The following PPP1R9A variants were observed in gnomAD, a reference collection of about 807,000 sequenced individuals.
PPP1R9A encodes the protein neurabin-1.
A neutral mutation model predicts 141.9 loss-of-function variants in PPP1R9A; 59 were observed. The observed-to-expected ratio is 0.42, with a 90% CI of 0.34 to 0.52. PPP1R9A has a LOEUF of 0.52. Ranked by LOEUF, PPP1R9A falls within the 20% of genes least tolerant of loss-of-function variation. The pLI is 0.10. For synonymous variants in PPP1R9A, 500 were observed against 569.7 expected (o/e 0.88, Z 1.74); for missense variants, 1,444 against 1,611.9 (o/e 0.90, Z 1.78).
intron 2 of PPP1R9A, among the ~76,000 whole-genome samples, chr7:94,933,107 G>A (rs770508971): frequency 9.2e-5 from 14 of 151,740 alleles, no homozygotes; most frequent in East Asian, 1.9e-4. Flanking sequence ...CATATTTAGC[G>A]TCCTATCATC....
intron 9 of PPP1R9A, among the ~76,000 whole-genome samples, chr7:95,248,273 C>A (rs141662447): frequency 1.3e-3 from 190 of 150,222 alleles, no homozygotes; most frequent in Non-Finnish European, 2.2e-3. Context: ...TACCCTCCCC[C>A]GCCCCCAATC....
chr7:95,148,437 A>G (rs1828033760), intron 4 of PPP1R9A, among the ~76,000 whole-genome samples: 2 of 152,192 alleles, frequency 1.3e-5, no homozygotes, highest in African/African-American at 4.8e-5. Context: ...TGTGCCCACA[A>G]GTTTGACAAC....
chr7:95,181,778 G>T (rs184849691), intron 5 of PPP1R9A, among the ~76,000 whole-genome samples: 1 of 111,712 alleles, frequency 9.0e-6, no homozygotes, highest in East Asian at 2.5e-4. Flanking sequence ...TATATATTCC[G>T]TCACATATAT....
intron 2 of PPP1R9A, among the ~76,000 whole-genome samples, chr7:95,103,394 T>A (rs1213351435): frequency 6.9e-6 from 1 of 145,320 alleles, no homozygotes; most frequent in Non-Finnish European, 1.5e-5. Context: ...ACAGTCTCGC[T>A]CTGTTGCCCA....
chr7:94,931,079 G>A (rs980970207), intron 2 of PPP1R9A, among the ~76,000 whole-genome samples: 4 of 152,144 alleles, frequency 2.6e-5, no homozygotes, highest in African/African-American at 9.7e-5. Context: ...TTTTCCAGCT[G>A]TTGTTTTGCC....
At chr7:95,124,863 T>G (rs1404786247) in intron 4 of PPP1R9A, among the ~76,000 whole-genome samples, 2 of 152,070 alleles carry the variant, frequency 1.3e-5, no homozygotes, top group African/African-American at 2.4e-5. Context: ...AAGAAGCCTT[T>G]TCATTGTGAT....
intron 2 of PPP1R9A, among the ~76,000 whole-genome samples, chr7:95,031,878 A>G (rs1291291791): frequency 6.6e-6 from 1 of 152,158 alleles, no homozygotes; most frequent in Non-Finnish European, 1.5e-5. Context: ...TATTTCAACT[A>G]GACTGGTCCA....
rs187337587 is a variant in PPP1R9A, at chr7:94,934,669, T to C, written c.1395+23161T>C. ...TGGTGCTTTTGTTATCGATGTTATG[T>C]TTTAAAAATATATACATGTTTCTGG... On this transcript the variant is annotated intron_variant, in intron 2 of 19. Coordinates refer to ENST00000433360, the MANE Select transcript of PPP1R9A (RefSeq NM_001166160.2). 1.1e-4 allele frequency among the ~76,000 whole-genome samples: 17 copies of C among 152,208 alleles called. No homozygotes were observed. The East Asian group carries it at 3.1e-3, about 28-fold the overall frequency.
chr7:95,201,774 A>G (rs1188034639), intron 6 of PPP1R9A, among the ~76,000 whole-genome samples: 3 of 152,064 alleles, frequency 2.0e-5, no homozygotes, highest in Admixed American at 1.3e-4. Context: ...TACTTTTATG[A>G]TTTATAGAAT....
intron 6 of PPP1R9A, among the ~76,000 whole-genome samples, chr7:95,199,303 TGTA>T (rs1369429141): frequency 1.3e-5 from 2 of 152,214 alleles, no homozygotes; most frequent in African/African-American, 2.4e-5. Context: ...ACAATTTAAT[TGTA>T]GTATTTTATA....
At chr7:95,272,052 A>C (rs114896459) in intron 14 of PPP1R9A, among the ~76,000 whole-genome samples, 1,827 of 152,316 alleles carry the variant, frequency 0.012, 19 homozygotes, top group Middle Eastern at 0.027. Context: ...ATAAAGATGT[A>C]AGGTTGCCTA....
chr7:95,023,698 C>A (rs2151747843), intron 2 of PPP1R9A, among the ~76,000 whole-genome samples: 1 of 152,144 alleles, frequency 6.6e-6, no homozygotes, highest in South Asian at 2.1e-4. Context: ...ACTACAGGCA[C>A]CCATCACCAC....
At chr7:95,113,591 G>C (rs1820963023) in intron 3 of PPP1R9A, among the ~76,000 whole-genome samples, 1 of 152,180 alleles carries the variant, frequency 6.6e-6, no homozygotes, top group Non-Finnish European at 1.5e-5. Flanking sequence ...ACTAGCATCA[G>C]ACTGTAACAC....
chr7:95,082,052 T>A (rs1372240005), intron 2 of PPP1R9A, among the ~76,000 whole-genome samples: 1 of 152,210 alleles, frequency 6.6e-6, no homozygotes, highest in Non-Finnish European at 1.5e-5. Context: ...GTGGTGATTG[T>A]CTGGATAACC....
At chr7:95,205,161 A>G (rs1790519663) in intron 7 of PPP1R9A, among the ~76,000 whole-genome samples, 1 of 152,242 alleles carries the variant, frequency 6.6e-6, no homozygotes, top group Admixed American at 6.5e-5. Flanking sequence ...AAGGGGAGAT[A>G]CAGGTTAGGA....
intron 4 of PPP1R9A, chr7:95,156,716 T>G (rs1229662212): frequency 6.6e-6 from 1 of 152,260 alleles, no homozygotes; most frequent in Admixed American, 6.5e-5. Context: ...CATTGTCTTC[T>G]TAGCTCTCAG....
chr7:95,190,710 A>ATT (rs1835375810), intron 5 of PPP1R9A, among the ~76,000 whole-genome samples: 1 of 152,132 alleles, frequency 6.6e-6, no homozygotes, highest in African/African-American at 2.4e-5. Flanking sequence ...TGTCTTTCAG[A>ATT]ACTTGCAGTG....
chr7:94,930,652 T>G, intron 2 of PPP1R9A, among the ~76,000 whole-genome samples: 1 of 152,042 alleles, frequency 6.6e-6, no homozygotes, highest in African/African-American at 2.4e-5. Context: ...ATCTTTATAC[T>G]TTTATAGAGA....
intron 2 of PPP1R9A, among the ~76,000 whole-genome samples, chr7:95,009,443 TC>T (rs1360919633): frequency 6.6e-6 from 1 of 152,234 alleles, no homozygotes; most frequent in Non-Finnish European, 1.5e-5. Flanking sequence ...TGTGGCGGTT[TC>T]CTAATGCTAC....
Sources: gnomAD v4.1 joint callset for allele counts (sites outside exome capture counted in the v4.1 genomes callset) on GRCh38, gnomAD v4.1.1 for gene constraint, MANE v1.5 for transcripts, NCBI Gene and HGNC (gene_info 2026-07-23, HGNC 2026-07-21) for gene names.